Variants in CCSER1 observed in about 807,000 individuals in gnomAD.
CCSER1 encodes coiled-coil serine rich protein 1.
A neutral mutation model predicts 82.0 loss-of-function variants in CCSER1; 41 were observed. That is an observed-to-expected ratio of 0.50 (90% CI 0.39 to 0.65). CCSER1 has a LOEUF of 0.65. Among genes scored for constraint, CCSER1 ranks in the 30% least tolerant of loss-of-function variants. CCSER1 has a pLI of 0.00. For synonymous variants in CCSER1, 414 were observed against 383.9 expected, an observed-to-expected ratio of 1.08 and a Z score of -0.92; for missense variants, 1,119 against 1,064.2, an observed-to-expected ratio of 1.05 and a Z score of -0.72.
intron 10 of CCSER1, among the ~76,000 whole-genome samples, chr4:91,362,810 G>C (rs1053785443): frequency 2.0e-5 from 3 of 151,758 alleles, no homozygotes; most frequent in Middle Eastern, 3.4e-3. Context: ...AGTAATAAAA[G>C]CTCATCCTGT....
At chr4:91,286,268 C>A (rs1183397860) in intron 10 of CCSER1, among the ~76,000 whole-genome samples, 2 of 151,600 alleles carry the variant, frequency 1.3e-5, no homozygotes, top group African/African-American at 4.8e-5. Context: ...ATTAACAGGC[C>A]CACACAAATA....
chr4:90,659,034 A>T (rs1730253217), intron 6 of CCSER1, among the ~76,000 whole-genome samples: 1 of 149,346 alleles, frequency 6.7e-6, no homozygotes, highest in African/African-American at 2.5e-5. Context: ...TGGTGTGTGC[A>T]GTTCATCCTT....
At chr4:90,151,849 T>G (rs139076442) in intron 1 of CCSER1, among the ~76,000 whole-genome samples, 240 of 152,252 alleles carry the variant, frequency 1.6e-3, no homozygotes, top group African/African-American at 5.5e-3. Flanking sequence ...GAGTTAGACA[T>G]GGATCTGGCA....
At chr4:91,487,834 A>G (rs946216856) in intron 10 of CCSER1, among the ~76,000 whole-genome samples, 1 of 152,010 alleles carries the variant, frequency 6.6e-6, no homozygotes, top group Non-Finnish European at 1.5e-5. Context: ...GAACAACATG[A>G]CTATTTTTAG....
chr4:91,025,625 C>G (rs748080653), intron 9 of CCSER1, among the ~76,000 whole-genome samples: 1 of 152,086 alleles, frequency 6.6e-6, no homozygotes, highest in Non-Finnish European at 1.5e-5. Context: ...TGAAACTTCT[C>G]TAATCAGTAA....
chr4:91,587,110 C>G (rs541636982), intron 10 of CCSER1, among the ~76,000 whole-genome samples: 1 of 151,712 alleles, frequency 6.6e-6, no homozygotes, highest in South Asian at 2.1e-4. Flanking sequence ...TGGGAAATTG[C>G]CCAGTATACT....
At chr4:91,128,644 G>C (rs887878993) in intron 10 of CCSER1, among the ~76,000 whole-genome samples, 1 of 152,066 alleles carries the variant, frequency 6.6e-6, no homozygotes, top group African/African-American at 2.4e-5. Context: ...AAAGAGCTCG[G>C]AGTGAGGAAA....
At chr4:90,886,212 T>C (rs1470263655) in intron 8 of CCSER1, among the ~76,000 whole-genome samples, 2 of 152,166 alleles carry the variant, frequency 1.3e-5, no homozygotes, top group African/African-American at 4.8e-5. Flanking sequence ...AATTATGAAC[T>C]AGACAAAAAT....
chr4:91,288,524 C>T (rs1037773015), intron 10 of CCSER1, among the ~76,000 whole-genome samples: 12 of 151,962 alleles, frequency 7.9e-5, no homozygotes, highest in African/African-American at 2.9e-4. Context: ...CACCTGCTTA[C>T]AGGCTCTTTA....
At chr4:90,130,499 A>G (rs890140688) in intron 1 of CCSER1, among the ~76,000 whole-genome samples, 3 of 152,344 alleles carry the variant, frequency 2.0e-5, no homozygotes, top group African/African-American at 7.2e-5. Flanking sequence ...GTCTCCTGGA[A>G]TAATAGAAAA....
At chr4:90,266,857 A>G (rs183948042) in intron 1 of CCSER1, among the ~76,000 whole-genome samples, 7 of 152,182 alleles carry the variant, frequency 4.6e-5, no homozygotes, top group Admixed American at 1.3e-4. Flanking sequence ...ACTAGGCCAC[A>G]GGGACTACAA....
chr4:90,845,931 G>A (rs1394241885), intron 8 of CCSER1, among the ~76,000 whole-genome samples: 3 of 151,832 alleles, frequency 2.0e-5, no homozygotes, highest in Non-Finnish European at 4.4e-5. Context: ...CAAATGCTGA[G>A]TCATTAGTGT....
chr4:90,886,357 G>GA (rs1359748243), intron 8 of CCSER1, among the ~76,000 whole-genome samples: 1 of 151,580 alleles, frequency 6.6e-6, no homozygotes. Flanking sequence ...TCTTATCATG[G>GA]AAAAAAAATC....
chr4:90,162,595 C>CT (rs1282357898), intron 1 of CCSER1, among the ~76,000 whole-genome samples: 1 of 151,410 alleles, frequency 6.6e-6, no homozygotes, highest in Non-Finnish European at 1.5e-5. Flanking sequence ...TTATAGAAGT[C>CT]TAAAAAAAAA....
chr4:91,233,935 C>G (rs1184755883), intron 10 of CCSER1, among the ~76,000 whole-genome samples: 2 of 151,814 alleles, frequency 1.3e-5, no homozygotes, highest in Admixed American at 1.3e-4. Flanking sequence ...ATGTCAATTA[C>G]CTGCATTTTG....
At chr4:90,571,767 A>T (rs1780143068) in intron 5 of CCSER1, among the ~76,000 whole-genome samples, 1 of 152,112 alleles carries the variant, frequency 6.6e-6, no homozygotes, top group South Asian at 2.1e-4. Flanking sequence ...TAACACAAAA[A>T]ATGCAGTTTT....
chr4:90,738,728 TTC>T (rs1746059807), intron 7 of CCSER1, among the ~76,000 whole-genome samples: 1 of 152,238 alleles, frequency 6.6e-6, no homozygotes, highest in Admixed American at 6.5e-5. Context: ...GGCACTGAGT[TTC>T]TCTCTCCCTG....
intron 1 of CCSER1, among the ~76,000 whole-genome samples, chr4:90,264,073 T>C (rs1469605392): frequency 1.3e-5 from 2 of 152,172 alleles, no homozygotes; most frequent in Non-Finnish European, 2.9e-5. Flanking sequence ...TAGAGCACCA[T>C]AGTAAAGAGG....
chr4:91,518,810 A>G (rs896460186), intron 10 of CCSER1, among the ~76,000 whole-genome samples: 5 of 152,162 alleles, frequency 3.3e-5, no homozygotes, highest in Non-Finnish European at 5.9e-5. Flanking sequence ...AGGGAAACTG[A>G]GAGCCACCAC....
Sources: allele counts gnomAD v4.1 joint callset (sites outside exome capture counted in the v4.1 genomes callset), GRCh38; gene constraint gnomAD v4.1.1; transcripts MANE v1.5; gene names NCBI Gene and HGNC (gene_info 2026-07-23, HGNC 2026-07-21).